Variants in MCTP1 observed in about 807,000 individuals in gnomAD.
The protein encoded by MCTP1 is multiple C2 and transmembrane domain-containing protein 1.
Under a neutral mutation model 120.6 loss-of-function variants are expected in MCTP1, and 69 were observed. The ratio of observed to expected loss-of-function variants is 0.57; its 90% CI spans 0.47 to 0.70. The LOEUF is 0.70. MCTP1 is among the 30% of genes least tolerant of loss of function. The pLI is 0.00. For missense variants in MCTP1, 1,203 were observed against 1,248.8 expected, an observed-to-expected ratio of 0.96 and a Z score of 0.55; for synonymous variants, 529 against 493.1, an observed-to-expected ratio of 1.07 and a Z score of -0.96.
At chr5:94,795,805 C>G (rs1021763139) in intron 18 of MCTP1, among the ~76,000 whole-genome samples, 9 of 152,228 alleles carry the variant, frequency 5.9e-5, no homozygotes, top group African/African-American at 1.9e-4. Context: ...TGGGCACCCT[C>G]TGAGTCTACA....
At chr5:95,014,733 A>C (rs1836744257) in intron 2 of MCTP1, among the ~76,000 whole-genome samples, 1 of 152,164 alleles carries the variant, frequency 6.6e-6, no homozygotes. Flanking sequence ...TCATTGACTT[A>C]GTTGATAAAG....
chr5:95,209,570 C>G (rs1752079871), intron 1 of MCTP1, among the ~76,000 whole-genome samples: 1 of 152,162 alleles, frequency 6.6e-6, no homozygotes, highest in South Asian at 2.1e-4. Flanking sequence ...TCAATTTACT[C>G]TTTTAGTAAA....
intron 1 of MCTP1, among the ~76,000 whole-genome samples, chr5:95,059,544 T>G (rs1223062764): frequency 1.3e-5 from 2 of 151,552 alleles, no homozygotes; most frequent in Non-Finnish European, 2.9e-5. Flanking sequence ...AACCTGCACA[T>G]GCACCCCTGA....
intron 1 of MCTP1, among the ~76,000 whole-genome samples, chr5:95,132,941 C>T (rs183227336): frequency 2.0e-5 from 3 of 152,280 alleles, no homozygotes; most frequent in East Asian, 1.9e-4. Context: ...AAGTACATTC[C>T]TCCATGCTGC....
At chr5:95,205,243 A>C (rs1751495906) in intron 1 of MCTP1, among the ~76,000 whole-genome samples, 1 of 152,180 alleles carries the variant, frequency 6.6e-6, no homozygotes, top group Non-Finnish European at 1.5e-5. Context: ...AATGGGGAAA[A>C]AATAGTCTTT....
In MCTP1 at chr5:95,262,589, G is replaced by T. The variant is rs534866508; in HGVS notation, c.720+21267C>A. 2.6e-5 allele frequency among the ~76,000 whole-genome samples: 4 copies of T among 152,260 alleles called. No homozygotes were observed. The East Asian group carries it at 5.8e-4, about 22-fold the overall frequency. On this transcript the variant is annotated intron_variant, in intron 1 of 22. Coordinates refer to ENST00000515393, the MANE Select transcript of MCTP1 (RefSeq NM_024717.7). ...GCTTAGAAGATTAGAAATCAAGTTA[G>T]AATATCTCTATTTGAGAAAGTGATT...
At chr5:95,185,036 C>T (rs910002813) in intron 1 of MCTP1, among the ~76,000 whole-genome samples, 9 of 152,296 alleles carry the variant, frequency 5.9e-5, no homozygotes, top group Non-Finnish European at 1.0e-4. Context: ...CTTGCACAGC[C>T]GGCTCTGCAT....
intron 19 of MCTP1, among the ~76,000 whole-genome samples, chr5:94,737,961 G>A (rs1764647112): frequency 6.6e-6 from 1 of 152,200 alleles, no homozygotes; most frequent in South Asian, 2.1e-4. Context: ...TTGCAGGCGT[G>A]AGCCACCGCA....
intron 1 of MCTP1, among the ~76,000 whole-genome samples, chr5:95,138,544 CTATT>C (rs1408994153): frequency 1.1e-4 from 16 of 152,154 alleles, no homozygotes; most frequent in Non-Finnish European, 1.5e-5. Context: ...AAACAGCAAA[CTATT>C]TAAAGAGAGG....
chr5:95,255,810 C>A (rs757116360), intron 1 of MCTP1, among the ~76,000 whole-genome samples: 1 of 152,146 alleles, frequency 6.6e-6, no homozygotes, highest in Non-Finnish European at 1.5e-5. Context: ...TGCATCCTGC[C>A]TTTAAGGATT....
intron 1 of MCTP1, among the ~76,000 whole-genome samples, chr5:95,277,270 A>C (rs1382731618): frequency 6.6e-6 from 1 of 152,086 alleles, no homozygotes; most frequent in Non-Finnish European, 1.5e-5. Flanking sequence ...GGAGCACAAT[A>C]TGGCAGCCAC....
chr5:94,793,305 C>T (rs984040761), intron 18 of MCTP1: 2 of 152,164 alleles, frequency 1.3e-5, no homozygotes, highest in African/African-American at 4.8e-5. Context: ...TTTCTACCAA[C>T]ATCTGATTGG....
intron 1 of MCTP1, among the ~76,000 whole-genome samples, chr5:95,257,187 C>T (rs1174067327): frequency 6.6e-6 from 1 of 152,024 alleles, no homozygotes; most frequent in East Asian, 1.9e-4. Context: ...CATTACTGTC[C>T]TCAAACTCTC....
At chr5:95,142,357 A>G (rs536415338) in intron 1 of MCTP1, among the ~76,000 whole-genome samples, 1 of 152,362 alleles carries the variant, frequency 6.6e-6, no homozygotes, top group South Asian at 2.1e-4. Flanking sequence ...AGCTAACAGG[A>G]AACTTTTTAC....
At chr5:94,861,593 CT>C (rs1795794914) in intron 17 of MCTP1, among the ~76,000 whole-genome samples, 1 of 151,808 alleles carries the variant, frequency 6.6e-6, no homozygotes, top group South Asian at 2.1e-4. Flanking sequence ...TTTATTTAAA[CT>C]TTTTCCTTTG....
chr5:94,710,036 G>GT (rs1038456346), intron 21 of MCTP1: 5 of 152,142 alleles, frequency 3.3e-5, no homozygotes. Flanking sequence ...AGTCTTAGGT[G>GT]TATGTGTAAG....
chr5:94,865,098 A>T (rs181005837), intron 17 of MCTP1, among the ~76,000 whole-genome samples: 31 of 151,894 alleles, frequency 2.0e-4, no homozygotes, highest in Non-Finnish European at 5.9e-5. Flanking sequence ...ACACGCCCAG[A>T]AACGTATCTG....
At chr5:94,989,752 G>T (rs1429948893) in intron 2 of MCTP1, among the ~76,000 whole-genome samples, 1 of 152,156 alleles carries the variant, frequency 6.6e-6, no homozygotes, top group Non-Finnish European at 1.5e-5. Flanking sequence ...CTGGGGAAGG[G>T]TGAGGGGATC....
rs79807324 is a variant in MCTP1 at position 95,037,304 on chromosome 5, G to C, written c.721-19820C>G. ...TGAGTCATTTAAAATGGTTCTTATGGAGTATTTCGAATGATGTGGGCAAAT... is the reference window on the plus strand; with the variant it reads ...TGAGTCATTTAAAATGGTTCTTATGCAGTATTTCGAATGATGTGGGCAAAT... On this transcript the variant is annotated intron_variant, in intron 1 of 22. Coordinates refer to ENST00000515393, the MANE Select transcript of MCTP1 (RefSeq NM_024717.7). 3.4e-3 allele frequency among the ~76,000 whole-genome samples: 520 copies of C among 152,248 alleles called. 1 individual carries two copies. The highest frequency in any genetic ancestry group is 4.8e-3 in the South Asian group (23 of 4,826).
Sources: allele counts gnomAD v4.1 joint callset (sites outside exome capture counted in the v4.1 genomes callset), GRCh38; gene constraint gnomAD v4.1.1; transcripts MANE v1.5; gene names NCBI Gene and HGNC (gene_info 2026-07-23, HGNC 2026-07-21).